Variants in SLC16A10 observed in about 807,000 individuals in gnomAD.
SLC16A10 encodes the protein solute carrier family 16 member 10, also known as monocarboxylate transporter 10.
SLC16A10 carries 27 observed loss-of-function variants against 40.0 expected under a neutral mutation model. The ratio of observed to expected loss-of-function variants is 0.67; its 90% confidence interval spans 0.50 to 0.93. SLC16A10 has a LOEUF of 0.93. SLC16A10 is among the 40% of genes least tolerant of loss of function. The probability of loss-of-function intolerance (pLI) is 0.00; values close to 1 mark genes in which losing one functional copy is unlikely to be tolerated. For synonymous variants in SLC16A10, 213 were observed against 249.8 expected (o/e 0.85, Z 1.39); for missense variants, 529 against 658.2 (o/e 0.80, Z 2.15).
intron 1 of SLC16A10, among the ~76,000 whole-genome samples, chr6:111,150,998 C>T (rs1410332852): frequency 6.6e-6 from 1 of 152,108 alleles, no homozygotes; most frequent in Non-Finnish European, 1.5e-5. Context: ...AATTATATAT[C>T]TGTTAAAATT....
At chr6:111,121,422 G>T (rs561426672) in intron 1 of SLC16A10, among the ~76,000 whole-genome samples, 1 of 152,184 alleles carries the variant, frequency 6.6e-6, no homozygotes, top group South Asian at 2.1e-4. Flanking sequence ...TTAGCTGGGC[G>T]TGGTGGCGTG....
chr6:111,096,241 T>C (rs763085898), intron 1 of SLC16A10, among the ~76,000 whole-genome samples: 23 of 152,272 alleles, frequency 1.5e-4, no homozygotes, highest in Non-Finnish European at 2.2e-4. Context: ...TCAGAAATGC[T>C]GTGATGTCAT....
At chr6:111,149,674 G>A (rs1032982758) in intron 1 of SLC16A10, among the ~76,000 whole-genome samples, 10 of 152,058 alleles carry the variant, frequency 6.6e-5, no homozygotes, top group African/African-American at 2.4e-4. Flanking sequence ...ACTGCTTTCA[G>A]CTCTTTTAGC....
chr6:111,141,902 C>A (rs1465926840), intron 1 of SLC16A10, among the ~76,000 whole-genome samples: 2 of 152,190 alleles, frequency 1.3e-5, no homozygotes, highest in African/African-American at 4.8e-5. Flanking sequence ...CAGTACACTT[C>A]CAATCAAAAT....
At chr6:111,149,988 A>G (rs891694146) in intron 1 of SLC16A10, among the ~76,000 whole-genome samples, 1 of 152,226 alleles carries the variant, frequency 6.6e-6, no homozygotes, top group Admixed American at 6.5e-5. Context: ...AGTTTTGTCA[A>G]CTGAGTAGAT....
chr6:111,097,991 C>A (rs1175134412), intron 1 of SLC16A10, among the ~76,000 whole-genome samples: 2 of 152,210 alleles, frequency 1.3e-5, no homozygotes, highest in East Asian at 3.9e-4. Flanking sequence ...GTGGCTCATA[C>A]CTGTAATCCC....
chr6:111,099,817 G>A (rs1771141467), intron 1 of SLC16A10, among the ~76,000 whole-genome samples: 1 of 151,942 alleles, frequency 6.6e-6, no homozygotes, highest in South Asian at 2.1e-4. Flanking sequence ...GAGCCCAGAA[G>A]TTCTAGAGCA....
chr6:111,109,210 C>T (rs1034460976), intron 1 of SLC16A10, among the ~76,000 whole-genome samples: 12 of 152,170 alleles, frequency 7.9e-5, no homozygotes, highest in African/African-American at 2.9e-4. Flanking sequence ...GGTGTACCCT[C>T]GTGATCCTTT....
At chr6:111,210,943 A>T (rs927348489) in intron 4 of SLC16A10, among the ~76,000 whole-genome samples, 3 of 151,570 alleles carry the variant, frequency 2.0e-5, no homozygotes, top group East Asian at 1.9e-4. Flanking sequence ...GAGTCGCTTG[A>T]ATCTGGGAGG....
chr6:111,100,988 C>CTATATATA (rs1390442093), intron 1 of SLC16A10, among the ~76,000 whole-genome samples: 2 of 77,676 alleles, frequency 2.6e-5, no homozygotes, highest in South Asian at 3.5e-4. Flanking sequence ...CTCTCTCTCT[C>CTATATATA]TCTCTATATA....
chr6:111,225,101 A>G lies in SLC16A10; in HGVS notation c.*2866A>G, dbSNP rs898368356. ...TTGGTTAAATTTTATTGCAATGGAT[A>G]TTGCTGGGATCCATCCATTTAAGCA... On this transcript the variant is annotated 3_prime_UTR_variant, in exon 6 of 6. Transcript: ENST00000368851. 1.3e-5 allele frequency: 2 copies of G among 152,204 alleles called. No homozygotes were observed. The highest frequency in any genetic ancestry group is 2.9e-5 in the Non-Finnish European group (2 of 68,032). 9.4% of individuals were successfully genotyped at this position (152,204 alleles called of 1,614,324 possible).
At chr6:111,100,986 C>A (rs867252710) in intron 1 of SLC16A10, among the ~76,000 whole-genome samples, 1,344 of 88,948 alleles carry the variant, frequency 0.015, 9 homozygotes, top group Non-Finnish European at 0.021. Flanking sequence ...CTCTCTCTCT[C>A]TCTCTCTATA....
chr6:111,120,064 T>C (rs1216508071), intron 1 of SLC16A10, among the ~76,000 whole-genome samples: 1 of 152,228 alleles, frequency 6.6e-6, no homozygotes, highest in Non-Finnish European at 1.5e-5. Flanking sequence ...AGTGTGGTCA[T>C]GACTAATGTC....
At chr6:111,110,860 A>G (rs1181889889) in intron 1 of SLC16A10, among the ~76,000 whole-genome samples, 4 of 152,218 alleles carry the variant, frequency 2.6e-5, no homozygotes, top group South Asian at 2.1e-4. Context: ...CTTCCGTGCC[A>G]TATAGCTTCT....
chr6:111,135,644 C>T (rs1771865137), intron 1 of SLC16A10, among the ~76,000 whole-genome samples: 1 of 152,238 alleles, frequency 6.6e-6, no homozygotes, highest in African/African-American at 2.4e-5. Flanking sequence ...AACCCAACAT[C>T]TCAACTCACC....
chr6:111,138,099 C>CA (rs1157168551), intron 1 of SLC16A10, among the ~76,000 whole-genome samples: 1 of 151,996 alleles, frequency 6.6e-6, no homozygotes, highest in Non-Finnish European at 1.5e-5. Flanking sequence ...CCAAACCAAA[C>CA]AAACAAAAAA....
chr6:111,113,464 GT>G (rs1041312507), intron 1 of SLC16A10, among the ~76,000 whole-genome samples: 1 of 151,944 alleles, frequency 6.6e-6, no homozygotes, highest in African/African-American at 2.4e-5. Flanking sequence ...GAGCTCTGGG[GT>G]TTTTTTTGTT....
chr6:111,212,486 A>C (rs886477603), intron 4 of SLC16A10, among the ~76,000 whole-genome samples: 1 of 152,148 alleles, frequency 6.6e-6, no homozygotes, highest in African/African-American at 2.4e-5. Context: ...AGGTGTTTTC[A>C]ACCTAATAAT....
At chr6:111,185,369 G>T (rs956050074) in intron 3 of SLC16A10, among the ~76,000 whole-genome samples, 1 of 152,110 alleles carries the variant, frequency 6.6e-6, no homozygotes, top group African/African-American at 2.4e-5. Context: ...TGCTTTGCAC[G>T]TTTCCCTTCT....
Sources: allele counts gnomAD v4.1 joint callset (sites outside exome capture counted in the v4.1 genomes callset), GRCh38; gene constraint gnomAD v4.1.1; transcripts MANE v1.5; gene names NCBI Gene and HGNC (gene_info 2026-07-23, HGNC 2026-07-21).